Variants in DENND5A observed in about 807,000 individuals in gnomAD.
DENND5A encodes the protein DENN domain-containing protein 5A.
In DENND5A, 64 loss-of-function variants were observed where a neutral mutation model predicts 140.3. The ratio of observed to expected loss-of-function variants is 0.46; its 90% confidence interval spans 0.37 to 0.56. The LOEUF (loss-of-function observed/expected upper bound fraction) is 0.56. Ranked by LOEUF, DENND5A falls within the 20% of genes least tolerant of loss-of-function variation. The probability of loss-of-function intolerance (pLI) is 0.00; values close to 1 mark genes in which losing one functional copy is unlikely to be tolerated. For missense variants in DENND5A, 1,292 were observed against 1,593.8 expected, an observed-to-expected ratio of 0.81 and a Z score of 3.22; for synonymous variants, 605 against 607.7, an observed-to-expected ratio of 1.00 and a Z score of 0.07.
chr11:9,173,117 C>T (rs553940819), intron 8 of DENND5A, among the ~76,000 whole-genome samples: 21 of 152,040 alleles, frequency 1.4e-4, no homozygotes, highest in Admixed American at 9.2e-4. Flanking sequence ...TGAGCCACCG[C>T]GCCTGGCCTG....
intron 12 of DENND5A, among the ~76,000 whole-genome samples, chr11:9,157,095 A>G (rs1313525073): frequency 6.6e-6 from 1 of 152,174 alleles, no homozygotes; most frequent in African/African-American, 2.4e-5. Flanking sequence ...TTTTCAGCAT[A>G]TATGTTTTAC....
intron 1 of DENND5A, among the ~76,000 whole-genome samples, chr11:9,231,878 T>C (rs888018001): frequency 1.3e-5 from 2 of 152,088 alleles, no homozygotes; most frequent in Non-Finnish European, 2.9e-5. Flanking sequence ...TGGTACTATA[T>C]CAAAGCACAA....
chr11:9,227,100 A>G (rs1850560760), intron 1 of DENND5A, among the ~76,000 whole-genome samples: 1 of 151,984 alleles, frequency 6.6e-6, no homozygotes, highest in Non-Finnish European at 1.5e-5. Flanking sequence ...CCCGGGAGGC[A>G]GAGGTTACAG....
chr11:9,226,460 G>GA (rs903533037), intron 1 of DENND5A, among the ~76,000 whole-genome samples: 17 of 151,750 alleles, frequency 1.1e-4, no homozygotes, highest in African/African-American at 2.7e-4. Context: ...TTGACAATGG[G>GA]AAAAAAAAGT....
chr11:9,195,960 T>G (rs1387269044), intron 4 of DENND5A, among the ~76,000 whole-genome samples: 1 of 152,158 alleles, frequency 6.6e-6, no homozygotes, highest in Non-Finnish European at 1.5e-5. Context: ...CCAGCACTTT[T>G]TTTGTTTTTT....
chr11:9,256,661 T>C (rs535753358), intron 1 of DENND5A, among the ~76,000 whole-genome samples: 1 of 152,266 alleles, frequency 6.6e-6, no homozygotes, highest in East Asian at 1.9e-4. Flanking sequence ...ATTACTCCAT[T>C]TATATGAAAT....
Position 9,206,794 on chromosome 11 carries a change from A to G in DENND5A, c.182-12T>C. 1 of 1,555,250 alleles carries G rather than the reference A, an allele frequency of 6.4e-7. No individual in the cohort carries two copies. The highest frequency in any genetic ancestry group is 8.9e-7 in the Non-Finnish European group (1 of 1,126,642). Reference sequence around the variant, plus strand: ...CTCAAAATTTTCTCCTGTAAGAAAAAGAATGAAGTAAATCATTTCTACAAA... The same window carrying G: ...CTCAAAATTTTCTCCTGTAAGAAAAGGAATGAAGTAAATCATTTCTACAAA... On this transcript the variant is annotated splice_polypyrimidine_tract_variant and intron_variant, in intron 2 of 22. Transcript: ENST00000328194.
At chr11:9,147,615 C>T (rs1481677276) in intron 15 of DENND5A, among the ~76,000 whole-genome samples, 1 of 152,126 alleles carries the variant, frequency 6.6e-6, no homozygotes, top group Non-Finnish European at 1.5e-5. Context: ...CAGAACACTG[C>T]TCTGAATGGG....
chr11:9,172,098 A>T (rs1344364573), intron 8 of DENND5A: 1 of 152,188 alleles, frequency 6.6e-6, no homozygotes, highest in Non-Finnish European at 1.5e-5. Flanking sequence ...CGGTTCTGGG[A>T]TAACTACGCA....
chr11:9,193,678 T>C lies in DENND5A; in HGVS notation c.953A>G (p.Tyr318Cys). Residue 318 changes from tyrosine to cysteine, a missense_variant, in exon 5 of 23, where the codon TAC (tyrosine) becomes TGC (cysteine). Physicochemically the swap from Tyr to Cys is radical, Grantham distance 194 (BLOSUM62 -2). Transcript: ENST00000328194. ...EFQILLYSQH[Y>C]QRLMTVAETI... ...CTCCGCCACAGTCATCAGTCTCTGG[T>C]AATCTGGGTCAACAACAACAAAAAA... 1 of 1,604,632 alleles carries C rather than the reference T, an allele frequency of 6.2e-7. No homozygotes were observed. Among genetic ancestry groups the C allele is most frequent in the Non-Finnish European group, 8.5e-7 (1 of 1,176,582 alleles).
At position 9,206,715 on chromosome 11, in the gene DENND5A, C is replaced by G; in HGVS notation, c.249G>C (p.Glu83Asp). 6.2e-7 allele frequency: 1 copy of G among 1,613,884 alleles called. No individual in the cohort carries two copies. The highest frequency in any genetic ancestry group is 1.1e-5 in the South Asian group (1 of 91,066). The change falls in exon 3 of 23, where the codon GAG becomes GAC. Residue 83 changes from glutamate to aspartate, a missense_variant. By Grantham distance (45) the Glu-to-Asp change is conservative. Transcript: ENST00000328194. The part of the protein sequence containing the change: ...FKSKVLARYP[E>D]NVEWNPFDQD... ...GGTCAAAGGGATTCCATTCTACGTTCTCAGGATATCGTGCAAGGACCTTAG... is the reference window on the plus strand; with the variant it reads ...GGTCAAAGGGATTCCATTCTACGTTGTCAGGATATCGTGCAAGGACCTTAG...
chr11:9,243,204 C>G (rs1161199917), intron 1 of DENND5A, among the ~76,000 whole-genome samples: 1 of 149,214 alleles, frequency 6.7e-6, no homozygotes, highest in Non-Finnish European at 1.5e-5. Context: ...ACACTCATAA[C>G]TAACTGAGCT....
chr11:9,207,504 A>T, intron 2 of DENND5A, 57 bp downstream of exon 2: 1 of 1,295,152 alleles, frequency 7.7e-7, no homozygotes, highest in Non-Finnish European at 1.1e-6. Context: ...CACTGGAGAG[A>T]TATATGTAAG....
chr11:9,205,727 T>C (rs1849671703), intron 3 of DENND5A, among the ~76,000 whole-genome samples: 1 of 152,054 alleles, frequency 6.6e-6, no homozygotes. Context: ...ACACTGCTTC[T>C]ATAAAAAAAA....
In DENND5A at chr11:9,178,514, C is replaced by A. The variant is rs555157499; in HGVS notation, c.1672-148G>T. 5,452 of 602,592 alleles carry A rather than the reference C, an allele frequency of 9.0e-3. 23 individuals carry two copies. Among genetic ancestry groups the A allele is most frequent in the Non-Finnish European group, 0.013 (4,351 of 342,710 alleles). The allele number at this position is 602,592 out of a possible 1,614,324, so 37.3% of individuals were successfully genotyped here. On this transcript the variant is annotated intron_variant, in intron 7 of 22. Coordinates refer to ENST00000328194, the MANE Select transcript of DENND5A (RefSeq NM_015213.4). ...AATCTCTACATTAAAAAAAAAAAAA[C>A]CCACTCATGTAAGTTCAGGTATCTT...
intron 4 of DENND5A, among the ~76,000 whole-genome samples, chr11:9,201,744 A>G (rs1465527913): frequency 2.0e-5 from 3 of 152,214 alleles, no homozygotes; most frequent in Non-Finnish European, 2.9e-5. Flanking sequence ...GAATAGAATC[A>G]TCAATAAATG....
chr11:9,169,501 A>ACG, intron 10 of DENND5A, among the ~76,000 whole-genome samples: 2 of 144,090 alleles, frequency 1.4e-5, no homozygotes, highest in Middle Eastern at 3.4e-3. Context: ...ACACGCACAC[A>ACG]CACACACACA....
At chr11:9,259,680 A>G (rs2136305543) in intron 1 of DENND5A, among the ~76,000 whole-genome samples, 1 of 152,258 alleles carries the variant, frequency 6.6e-6, no homozygotes, top group Non-Finnish European at 1.5e-5. Context: ...GACTGCTGGA[A>G]TTACAGATGT....
At position 9,178,130 on chromosome 11, in the gene DENND5A, A is replaced by C; in HGVS notation, c.1906+2T>G. ...GAATGTACATTTCCAAGGAGGCCTT[A>C]CCTGCTTCATCCACAGTGGTACACT... On this transcript the variant is annotated splice_donor_variant, in intron 8 of 22. Transcript: ENST00000328194. LOFTEE classifies it high-confidence loss of function. 1 of 1,605,794 alleles carries C rather than the reference A, an allele frequency of 6.2e-7. No homozygotes were observed. Among genetic ancestry groups the C allele is most frequent in the Non-Finnish European group, 8.5e-7 (1 of 1,172,386 alleles).
Sources: gnomAD v4.1 joint callset for allele counts (sites outside exome capture counted in the v4.1 genomes callset) on GRCh38, gnomAD v4.1.1 for gene constraint, MANE v1.5 for transcripts, NCBI Gene and HGNC (gene_info 2026-07-23, HGNC 2026-07-21) for gene names.